Variants in PDE4A observed in about 807,000 individuals in gnomAD.
PDE4A encodes the protein phosphodiesterase 4A.
PDE4A carries 21 observed loss-of-function variants against 73.9 expected under a neutral mutation model. The observed-to-expected ratio is 0.28, with a 90% confidence interval of 0.20 to 0.41. PDE4A has a LOEUF of 0.41. Among genes scored for constraint, PDE4A ranks in the 10% least tolerant of loss-of-function variants. The probability of loss-of-function intolerance (pLI) is 1.00; values close to 1 mark genes in which losing one functional copy is unlikely to be tolerated. For missense variants in PDE4A, 958 were observed against 1,211.4 expected (o/e 0.79, Z 3.10); for synonymous variants, 463 against 505.4 (o/e 0.92, Z 1.13).
chr19:10,450,365 C>T (rs955840096), intron 4 of PDE4A, among the ~76,000 whole-genome samples: 1 of 152,118 alleles, frequency 6.6e-6, no homozygotes, highest in African/African-American at 2.4e-5. Flanking sequence ...GACCTTAAGG[C>T]GGATCAGCCA....
At chr19:10,432,474 C>A in intron 1 of PDE4A, 3 of 1,501,576 alleles carry the variant, frequency 2.0e-6, no homozygotes, top group South Asian at 2.5e-5. Context: ...GCCCCGGCCC[C>A]CTGCCCTGGC....
At chr19:10,450,052 C>A (rs2043067166) in intron 4 of PDE4A, among the ~76,000 whole-genome samples, 1 of 152,124 alleles carries the variant, frequency 6.6e-6, no homozygotes, top group South Asian at 2.1e-4. Flanking sequence ...GCTGTGTTCC[C>A]ACCACTGCAC....
upstream of PDE4A, chr19:10,417,101 G>A: frequency 6.8e-7 from 1 of 1,461,924 alleles, no homozygotes; most frequent in South Asian, 1.4e-5. Flanking sequence ...CCTCCAAGCT[G>A]TGAGGAGTTT....
intron 1 of PDE4A, chr19:10,431,227 G>T: frequency 1.7e-6 from 1 of 584,604 alleles, no homozygotes; most frequent in East Asian, 3.5e-5. Context: ...ATCCCTGACC[G>T]CCAGGGTTGC....
At chr19:10,444,364 G>A (rs2042976201) in intron 1 of PDE4A, among the ~76,000 whole-genome samples, 1 of 151,904 alleles carries the variant, frequency 6.6e-6, no homozygotes, top group Non-Finnish European at 1.5e-5. Flanking sequence ...CAGGCGTGGT[G>A]GTGCATGCCT....
chr19:10,435,984 C>T (rs1278109399), intron 1 of PDE4A, among the ~76,000 whole-genome samples: 1 of 152,198 alleles, frequency 6.6e-6, no homozygotes, highest in African/African-American at 2.4e-5. Context: ...AGGGAGTGTC[C>T]TCTTCCCATC....
intron 13 of PDE4A, among the ~76,000 whole-genome samples, chr19:10,462,283 T>G (rs944283175): frequency 1.3e-5 from 2 of 151,408 alleles, no homozygotes; most frequent in Admixed American, 1.3e-4. Context: ...GCCTGCCGAG[T>G]AGCTGGGATC....
intron 2 of PDE4A, 122 bp downstream of exon 2, chr19:10,446,531 C>T: frequency 8.4e-7 from 1 of 1,195,404 alleles, no homozygotes; most frequent in Non-Finnish European, 1.2e-6. Flanking sequence ...AACCTGTCCT[C>T]CCCAGTGAAG....
Position 10,453,170 on chromosome 19 carries a change from C to G in PDE4A, c.784-1659C>G. 6.8e-7 allele frequency: 1 copy of G among 1,469,724 alleles called. No individual in the cohort carries two copies. Among genetic ancestry groups the G allele is most frequent in the Non-Finnish European group, 9.0e-7 (1 of 1,107,170 alleles). The allele number at this position is 1,469,724 out of a possible 1,614,324, so 91.0% of individuals were successfully genotyped here. On this transcript the variant is annotated intron_variant, in intron 6 of 14. Transcript: ENST00000380702. The surrounding 1 kb of genome is among the most constrained non-coding windows in gnomAD (Gnocchi z 4.6). ...CGCGGCTCCCCCTTCCACTACCCAC[C>G]TGCCCGGCACCCCCTCCCCAGTGGT...
intron 1 of PDE4A, among the ~76,000 whole-genome samples, chr19:10,436,702 A>G (rs1265493895): frequency 6.6e-6 from 1 of 152,214 alleles, no homozygotes; most frequent in Non-Finnish European, 1.5e-5. Flanking sequence ...TGTATGCCTG[A>G]AAGGATCTAA....
At chr19:10,428,397 TGAGAGA>T (rs151327420) in intron 1 of PDE4A, among the ~76,000 whole-genome samples, 7 of 116,094 alleles carry the variant, frequency 6.0e-5, no homozygotes, top group African/African-American at 1.3e-4. Flanking sequence ...AGAGAGATAT[TGAGAGA>T]GAGAGAGAGA....
intron 1 of PDE4A, chr19:10,423,109 T>A: frequency 1.0e-6 from 1 of 984,360 alleles, no homozygotes; most frequent in Non-Finnish European, 1.2e-6. Flanking sequence ...AGCAGGGTAT[T>A]CCTGCTGGCA....
rs1292976580 is a variant in PDE4A, at chr19:10,432,188, G to A, written c.320+11104G>A. Among the ~76,000 whole-genome samples, 652 of 140,526 alleles carry A rather than the reference G, an allele frequency of 4.6e-3. 26 individuals carry two copies. The highest frequency in any genetic ancestry group is 0.016 in the African/African-American group (610 of 38,724). 92.2% of individuals were successfully genotyped at this position (140,526 alleles called of 152,430 possible). On this transcript the variant is annotated intron_variant, in intron 1 of 14. Transcript: ENST00000380702. ...AGGAGGGAGGAGACGGGGGGGGGGG[G>A]GGGAAGTGTGCGTCCGACTCCGCAG... is the stretch of plus-strand genomic sequence containing the variant.
upstream of PDE4A, chr19:10,417,331 T>C: frequency 1.0e-6 from 1 of 985,086 alleles, no homozygotes. Flanking sequence ...AGGGGCCCTC[T>C]TAGACGTGGA....
intron 14 of PDE4A, among the ~76,000 whole-genome samples, chr19:10,465,447 C>G (rs868340438): frequency 6.7e-6 from 1 of 150,318 alleles, no homozygotes; most frequent in African/African-American, 2.5e-5. Flanking sequence ...CTCGAACTCC[C>G]GACCTCAGGT....
At chr19:10,454,973 A>G in intron 7 of PDE4A, 51 bp downstream of exon 7, 1 of 1,572,870 alleles carries the variant, frequency 6.4e-7, no homozygotes, top group Non-Finnish European at 8.7e-7. Flanking sequence ...TGGGGTAGAG[A>G]GGGGGCTGCC....
At chr19:10,417,741 G>C (rs758475398), upstream of PDE4A, 10 of 1,585,770 alleles carry the variant, frequency 6.3e-6, no homozygotes, top group East Asian at 1.4e-4. Context: ...CCTCTCGTCC[G>C]GTCCTGGCCT....
chr19:10,459,500 T>A lies in PDE4A; in HGVS notation c.1200+2T>A. On this transcript the variant is annotated splice_donor_variant, in intron 9 of 14. Transcript: ENST00000380702. LOFTEE classifies it high-confidence loss of function. The stretch of plus-strand genomic sequence containing the variant: ...TGCATCATGTACATGATATTCCAGG[T>A]GATGGGGACAGCTGGGAGTGGGCCC... The A allele has an allele frequency of 6.2e-7, 1 of 1,613,210 alleles. No individual in the cohort carries two copies. The highest frequency in any genetic ancestry group is 8.5e-7 in the Non-Finnish European group (1 of 1,179,328).
chr19:10,432,176 CGGG>C (rs568009200), intron 1 of PDE4A, among the ~76,000 whole-genome samples: 5,512 of 17,484 alleles, frequency 0.32, 965 homozygotes, highest in African/African-American at 0.42. Flanking sequence ...AGGGAGGAGA[CGGG>C]GGGGGGGGGG....
Sources: gnomAD v4.1 joint callset for allele counts (sites outside exome capture counted in the v4.1 genomes callset) on GRCh38, gnomAD v4.1.1 for gene constraint, Gnocchi (gnomAD v3.1) non-coding constraint, MANE v1.5 for transcripts, NCBI Gene and HGNC (gene_info 2026-07-23, HGNC 2026-07-21) for gene names.